TCHH: variants seen among roughly 807,000 people sequenced by gnomAD.
TCHH encodes trichohyalin.
Under a neutral mutation model 6.3 loss-of-function variants are expected in TCHH, and 6 were observed. The ratio of observed to expected loss-of-function variants is 0.95; its 90% CI spans 0.52 to 1.88. TCHH has a LOEUF of 1.88. Among genes scored for constraint, TCHH ranks in the 40% most tolerant of loss-of-function variants. The pLI, the probability that TCHH is intolerant of heterozygous loss-of-function variation, is 0.01. For synonymous variants in TCHH, 1,087 were observed against 963.6 expected (o/e 1.13, Z -2.37); for missense variants, 2,920 against 2,449.1 (o/e 1.19, Z -4.06).
intron 2 of TCHH, 95 bp downstream of exon 2, chr1:152,113,848 A>G (rs1272033441): frequency 1.4e-6 from 2 of 1,443,630 alleles, no homozygotes; most frequent in Non-Finnish European, 9.4e-7. Context: ...GTGGTGTAAA[A>G]TGAATATAAA....
In TCHH at chr1:152,109,805, T is replaced by A; in HGVS notation, c.3412A>T (p.Arg1138Trp). The change falls in exon 3 of 3, where the codon AGG becomes TGG. Residue 1138 changes from arginine (R) to tryptophan (W), a missense_variant. Physicochemically the swap from Arg to Trp is moderately radical, Grantham distance 101. Transcript: ENST00000614923. ...REKRRRQELE[R>W]QYREEEEVQQ... The stretch of plus-strand genomic sequence containing the variant: ...ACCTCCTCTTCCTCCCGATATTGCC[T>A]CTCCAGCTCCTGGCGCCTTCTCTTC... 2 of 1,589,276 alleles carry A rather than the reference T, an allele frequency of 1.3e-6. No individual in the cohort carries two copies. The highest frequency in any genetic ancestry group is 1.7e-6 in the Non-Finnish European group (2 of 1,167,176).
chr1:152,112,220 C>CCTCCTGCTGCTCGCGCCT lies in TCHH; in HGVS notation c.979_996dup (p.Arg327_Glu332dup), dbSNP rs747053390. Reference sequence around the variant, plus strand: ...CGCCTCAGCTGCTGCTCGCGCCTCTCCTCCTGCTGCTCGCGCCTCTCCTGC... The same window carrying CCTCCTGCTGCTCGCGCCT: ...CGCCTCAGCTGCTGCTCGCGCCTCTCCTCCTGCTGCTCGCGCCTCTCCTGCTGCTCGCGCCTCTCCTGC... On this transcript the variant is annotated inframe_insertion, in exon 3 of 3. Coordinates refer to ENST00000614923, the MANE Select transcript of TCHH (RefSeq NM_007113.4). The CCTCCTGCTGCTCGCGCCT allele has an allele frequency of 3.3e-4, 433 of 1,324,120 alleles. 2 individuals are homozygous for CCTCCTGCTGCTCGCGCCT. In the East Asian group the frequency reaches 3.6e-3, roughly 11 times the overall value. 82.0% of individuals were successfully genotyped at this position (1,324,120 alleles called of 1,614,324 possible). A position where few individuals can be genotyped will look rare whatever the true frequency, so the allele number is the denominator to read the frequency against.
Position 152,109,818 on chromosome 1 carries a change from G to T in TCHH, c.3399C>A (p.Arg1133=), listed in dbSNP as rs376152816. The change falls in exon 3 of 3, where the codon CGC becomes CGA. Residue 1133 remains arginine, a synonymous_variant. Transcript: ENST00000614923. ...LLREEREKRR[R]QELERQYREE... ...CCCGATATTGCCTCTCCAGCTCCTG[G>T]CGCCTTCTCTTCTCCCGTTCCTCTC... 7.6e-6 allele frequency: 12 copies of T among 1,585,224 alleles called. No individual in the cohort carries two copies. Among genetic ancestry groups the T allele is most frequent in the Admixed American group, 3.4e-5 (2 of 58,034 alleles).
chr1:152,108,533 G>C lies in TCHH; in HGVS notation c.4684C>G (p.Gln1562Glu). ...TGTTCCTCCCTCTCCTGGCGCAGCT[G>C]TTCCTCCTCGCGGAATTTTCTGTCA... ...DRDRKFREEE[Q>E]LRQEREEQQL... Residue 1562 changes from glutamine to glutamate, a missense_variant, in exon 3 of 3, where the codon CAG (glutamine) becomes GAG (glutamate). Coordinates refer to ENST00000614923, the MANE Select transcript of TCHH (RefSeq NM_007113.4). 6.2e-7 allele frequency: 1 copy of C among 1,606,496 alleles called. No individual in the cohort carries two copies. Among genetic ancestry groups the C allele is most frequent in the Non-Finnish European group, 8.5e-7 (1 of 1,178,368 alleles).
At chr1:152,114,404 G>T (rs568667170) in intron 1 of TCHH, among the ~76,000 whole-genome samples, 21 of 152,226 alleles carry the variant, frequency 1.4e-4, no homozygotes, top group Admixed American at 1.4e-3. Flanking sequence ...GCTCTCCACC[G>T]TATTTCAGAG....
At position 152,112,952 on chromosome 1, in the gene TCHH, G is replaced by T. The variant is rs765518770; in HGVS notation, c.265C>A (p.Leu89Ile). 5.0e-6 allele frequency: 8 copies of T among 1,614,022 alleles called. No homozygotes were observed. The South Asian group carries it at 8.8e-5, about 18-fold the overall frequency. ...FKVAQACYYA[L>I]GQATGLDEEK... is the part of the protein sequence containing the mutation. ...TCATCCAGTCCCGTGGCCTGGCCGA[G>T]AGCATAGTAACAAGCTTGAGCCACT... The change falls in exon 3 of 3, where the codon CTC (leucine) becomes ATC (isoleucine). Residue 89 changes from leucine to isoleucine, a missense_variant. Coordinates refer to ENST00000614923, the MANE Select transcript of TCHH (RefSeq NM_007113.4).
In TCHH at chr1:152,108,491, C is replaced by T; in HGVS notation, c.4726G>A (p.Glu1576Lys). The change falls in exon 3 of 3, where the codon GAG becomes AAG. Residue 1576 changes from glutamate (E) to lysine (K), a missense_variant. By Grantham distance (56) the Glu-to-Lys change is moderately conservative. Transcript: ENST00000614923. ...TCTAAACGGAATTTTCTGTCACGCT[C>T]TTGGCGGCTCAGCTGCTGTTCCTCC... ...EREEQQLSRQ[E>K]RDRKFRLEEQ... The T allele has an allele frequency of 1.9e-6, 3 of 1,612,760 alleles. No homozygotes were observed. Among genetic ancestry groups the T allele is most frequent in the Non-Finnish European group, 2.5e-6 (3 of 1,179,668 alleles).
In TCHH at chr1:152,107,817, C is replaced by T. The variant is rs954631895; in HGVS notation, c.5400G>A (p.Glu1800=). The change falls in exon 3 of 3, where the codon GAG becomes GAA. Residue 1800 remains glutamate (E), a synonymous_variant. Transcript: ENST00000614923. ...CTTCCCTCTCCTGGCGTAGCTGTTC[C>T]TCCTCGCGGAATTTTCTGTCAGACT... The part of the protein sequence containing the change: ...SQESDRKFRE[E]EQLRQEREEQ... The T allele has an allele frequency of 1.9e-6, 3 of 1,613,248 alleles. No homozygotes were observed. The highest frequency in any genetic ancestry group is 2.5e-6 in the Non-Finnish European group (3 of 1,179,804).
In TCHH at chr1:152,110,078, C is replaced by G; in HGVS notation, c.3139G>C (p.Glu1047Gln). The change falls in exon 3 of 3, where the codon GAG (glutamate) becomes CAG (glutamine). Residue 1047 changes from glutamate (E) to glutamine (Q), a missense_variant. Glu to Gln is a conservative substitution (Grantham distance 29, BLOSUM62 2). Transcript: ENST00000614923. Reference protein sequence around the residue: ...EREKRRLQERERQYREEEELQ... With the variant: ...EREKRRLQERQRQYREEEELQ... Reference sequence around the variant, plus strand: ...TCCTCTTCCTCCCGATATTGCCTCTCCCGCTCCTGGAGTCTTCTTTTCTCC... The same window carrying G: ...TCCTCTTCCTCCCGATATTGCCTCTGCCGCTCCTGGAGTCTTCTTTTCTCC... The G allele has an allele frequency of 1.9e-6, 3 of 1,611,850 alleles. No homozygotes were observed. Among genetic ancestry groups the G allele is most frequent in the Non-Finnish European group, 2.5e-6 (3 of 1,179,096 alleles).
Position 152,109,416 on chromosome 1 carries a change from C to CAG in TCHH, c.3799_3800dup (p.Gln1268CysfsTer55). 1 of 1,613,528 alleles carries CAG rather than the reference C, an allele frequency of 6.2e-7. No individual in the cohort carries two copies. The highest frequency in any genetic ancestry group is 8.5e-7 in the Non-Finnish European group (1 of 1,179,476). ...CTTGCTGTTCACCCAGCAGGTGCTG[C>CAG]AGATCTTGCTGGGATTGTCTGTCGC... On this transcript the variant is annotated frameshift_variant, in exon 3 of 3. Coordinates refer to ENST00000614923, the MANE Select transcript of TCHH (RefSeq NM_007113.4). LOFTEE classifies it low-confidence loss of function (END_TRUNC).
Position 152,110,246 on chromosome 1 carries a change from G to C in TCHH, c.2971C>G (p.Arg991Gly), listed in dbSNP as rs773272924. The C allele has an allele frequency of 6.2e-7, 1 of 1,605,548 alleles. No individual in the cohort carries two copies. The highest frequency in any genetic ancestry group is 1.1e-5 in the South Asian group (1 of 90,318). ...TCCTGCTGCAACTCCTCTTCCTCGCGGTATTTTTTCTCCCGCTCCTGGCGC... is the reference window on the plus strand; with the variant it reads ...TCCTGCTGCAACTCCTCTTCCTCGCCGTATTTTTTCTCCCGCTCCTGGCGC... ...RRRQEREKKY[R>G]EEEELQQEEE... is the part of the protein sequence containing the mutation. Residue 991 changes from arginine to glycine, a missense_variant, in exon 3 of 3, where the codon CGC becomes GGC. By Grantham distance (125) the Arg-to-Gly change is moderately radical (BLOSUM62 -2). Transcript: ENST00000614923.
At position 152,109,972 on chromosome 1, in the gene TCHH, T is replaced by C. The variant is rs578108385; in HGVS notation, c.3245A>G (p.Lys1082Arg). 1.2e-5 allele frequency: 19 copies of C among 1,538,334 alleles called. No homozygotes were observed. In the South Asian group the frequency reaches 2.4e-4, roughly 19 times the overall value. Residue 1082 changes from lysine to arginine, a missense_variant, in exon 3 of 3, where the codon AAG (lysine) becomes AGG (arginine). Lys to Arg is a conservative substitution (Grantham distance 26). Transcript: ENST00000614923. Reference sequence around the variant, plus strand: ...TTCCTCCTGCTGCAGCTCCTCTTCCTTCCGATATTGCCTCTCCAGCTCCTG... The same window carrying C: ...TTCCTCCTGCTGCAGCTCCTCTTCCCTCCGATATTGCCTCTCCAGCTCCTG... ...RRQELERQYR[K>R]EEELQQEEEQ...
chr1:152,114,212 A>G, intron 1 of TCHH, 101 bp from the exon 2 acceptor site: 1 of 812,534 alleles, frequency 1.2e-6, no homozygotes, highest in South Asian at 2.1e-5. Context: ...ATTTGAATTT[A>G]TAGCGGTAAT....
chr1:152,114,215 G>A (rs1233615907), intron 1 of TCHH, 104 bp from the exon 2 acceptor site: 51 of 793,066 alleles, frequency 6.4e-5, no homozygotes, highest in Non-Finnish European at 9.2e-5. Context: ...TGAATTTATA[G>A]CGGTAATTTC....
In TCHH at chr1:152,107,925, C is replaced by A; in HGVS notation, c.5292G>T (p.Leu1764=). The change falls in exon 3 of 3, where the codon CTG becomes CTT. Residue 1764 remains leucine (L), a synonymous_variant. Coordinates refer to ENST00000614923, the MANE Select transcript of TCHH (RefSeq NM_007113.4). ...QLRPEREEQQ[L]RRQERDRKFR... is the part of the protein sequence containing the mutation. ...ATTTTCTGTCGCGCTCCTGGCGGCG[C>A]AGCTGCTGTTCTTCCCTTTCCGGAC... 1.2e-6 allele frequency: 2 copies of A among 1,614,130 alleles called. No individual in the cohort carries two copies. The highest frequency in any genetic ancestry group is 1.7e-6 in the Non-Finnish European group (2 of 1,180,022).
chr1:152,109,234 T>G lies in TCHH; in HGVS notation c.3983A>C (p.Lys1328Thr). 1.2e-6 allele frequency: 2 copies of G among 1,614,128 alleles called. No homozygotes were observed. The highest frequency in any genetic ancestry group is 1.1e-5 in the South Asian group (1 of 91,088). Reference protein sequence around the residue: ...KQLLREEREEKRRRQETDRKF... With the variant: ...KQLLREEREETRRRQETDRKF... ...TCTGTCTGTCTCTTGACGGCGTCTC[T>G]TCTCTTCTCTTTCCTCTCTCAGCAA... Residue 1328 changes from lysine (K) to threonine (T), a missense_variant, in exon 3 of 3, where the codon AAG (lysine) becomes ACG (threonine). Coordinates refer to ENST00000614923, the MANE Select transcript of TCHH (RefSeq NM_007113.4).
rs1658309693 is a variant in TCHH, at chr1:152,110,751, G to A, written c.2466C>T (p.Arg822=). Reference sequence around the variant, plus strand: ...GCTCTTTCTCCCTCTCGCGTCGCTGGCGGCGCCGCTGCTCCTTCTCCTCCT... The same window carrying A: ...GCTCTTTCTCCCTCTCGCGTCGCTGACGGCGCCGCTGCTCCTTCTCCTCCT... The part of the protein sequence containing the change: ...PEEEEKEQRR[R]QRREREKELQ... Residue 822 remains arginine (R), a synonymous_variant, in exon 3 of 3, where the codon CGC becomes CGT. Transcript: ENST00000614923. 6.2e-7 allele frequency: 1 copy of A among 1,608,432 alleles called. No individual in the cohort carries two copies. Among genetic ancestry groups the A allele is most frequent in the Non-Finnish European group, 8.5e-7 (1 of 1,179,874 alleles).
intron 1 of TCHH, among the ~76,000 whole-genome samples, 165 bp from the exon 2 acceptor site, chr1:152,114,276 A>G (rs974314728): frequency 1.3e-5 from 2 of 152,218 alleles, no homozygotes; most frequent in African/African-American, 4.8e-5. Flanking sequence ...TCAGAAAGAG[A>G]AAGAGCGATC....
chr1:152,107,785 T>TGCTGTTCTTCCCTCTCCTGGCGTA lies in TCHH; in HGVS notation c.5408_5431dup (p.Leu1803_Gln1810dup), dbSNP rs1658152427. 4.3e-6 allele frequency: 7 copies of TGCTGTTCTTCCCTCTCCTGGCGTA among 1,614,104 alleles called. No homozygotes were observed. In the African/African-American group the frequency reaches 5.3e-5, roughly 12 times the overall value. ...TCCGTCACGCTGTTGGGGGCGCAGC[T>TGCTGTTCTTCCCTCTCCTGGCGTA]GCTGTTCTTCCCTCTCCTGGCGTAG... On this transcript the variant is annotated inframe_insertion, in exon 3 of 3. Coordinates refer to ENST00000614923, the MANE Select transcript of TCHH (RefSeq NM_007113.4).
Sources: gnomAD v4.1 joint callset for allele counts (sites outside exome capture counted in the v4.1 genomes callset) on GRCh38, gnomAD v4.1.1 for gene constraint, MANE v1.5 for transcripts, NCBI Gene and HGNC (gene_info 2026-07-23, HGNC 2026-07-21) for gene names.